RGPD3: variants seen among roughly 807,000 people sequenced by gnomAD.
RGPD3 encodes RANBP2 like and GRIP domain containing 3.
In RGPD3, 62 loss-of-function variants were observed where a neutral mutation model predicts 154.5. The ratio of observed to expected loss-of-function variants is 0.40; its 90% CI spans 0.33 to 0.50. RGPD3 has a LOEUF of 0.50. Among genes scored for constraint, RGPD3 ranks in the 20% least tolerant of loss-of-function variants. The pLI is 0.59. For missense variants in RGPD3, 919 were observed against 1,716.8 expected, an observed-to-expected ratio of 0.54 and a Z score of 8.21; for synonymous variants, 308 against 607.0, an observed-to-expected ratio of 0.51 and a Z score of 7.24.
At chr2:106,427,068 T>TA (rs1231685094) in intron 18 of RGPD3, among the ~76,000 whole-genome samples, 64 of 148,976 alleles carry the variant, frequency 4.3e-4, no homozygotes, top group Admixed American at 1.6e-3. Context: ...AAATATTAAA[T>TA]AAAAAAAAAA....
At chr2:106,438,669 C>T (rs1387014289) in intron 9 of RGPD3, among the ~76,000 whole-genome samples, 8 of 151,958 alleles carry the variant, frequency 5.3e-5, no homozygotes. Flanking sequence ...TGTAATCCCG[C>T]TACTTGGGAG....
chr2:106,430,178 C>T (rs1262337446), intron 17 of RGPD3, among the ~76,000 whole-genome samples: 55 of 150,540 alleles, frequency 3.7e-4, no homozygotes, highest in African/African-American at 1.2e-3. Flanking sequence ...CCACCACGCC[C>T]GGACCTGATT....
In RGPD3 at chr2:106,441,354, T is replaced by C. The variant is rs1677737172; in HGVS notation, c.1005A>G (p.Ile335Met). The change falls in exon 8 of 23, where the codon ATA becomes ATG. Residue 335 changes from isoleucine (I) to methionine (M), a missense_variant. Ile to Met is a conservative substitution (Grantham distance 10, BLOSUM62 1). Transcript: ENST00000409886. Reference protein sequence around the residue: ...FQVPRPKIKLIKGEAGQNLLE... With the variant: ...FQVPRPKIKLMKGEAGQNLLE... ...GCAGATTTTGTCCAGCTTCACCTTT[T>C]ATTAATTTAATCTTTGGTCTTGGAA... 1.3e-6 allele frequency: 2 copies of C among 1,553,992 alleles called. No individual in the cohort carries two copies. Among genetic ancestry groups the C allele is most frequent in the East Asian group, 2.4e-5 (1 of 41,140 alleles).
chr2:106,425,243 C>G lies in RGPD3; in HGVS notation c.2724G>C (p.Lys908Asn). The change falls in exon 20 of 23, where the codon AAG becomes AAC. Residue 908 changes from lysine (K) to asparagine (N), a missense_variant. Lys to Asn is a moderately conservative substitution (Grantham distance 94). Transcript: ENST00000409886. Reference sequence around the variant, plus strand: ...GGATGGAAAATCCTTCTTTGGTTGACTTAAATTCTGTATTAGAAGAACCCT... The same window carrying G: ...GGATGGAAAATCCTTCTTTGGTTGAGTTAAATTCTGTATTAGAAGAACCCT... ...PTKGSSNTEFKSTKEGFSIPV... is the reference protein window; with the variant it reads ...PTKGSSNTEFNSTKEGFSIPV... The G allele has an allele frequency of 1.2e-6, 2 of 1,611,498 alleles. No individual in the cohort carries two copies. Among genetic ancestry groups the G allele is most frequent in the Admixed American group, 3.3e-5 (2 of 59,940 alleles).
intron 20 of RGPD3, among the ~76,000 whole-genome samples, chr2:106,418,849 T>C (rs1170021430): frequency 3.3e-5 from 5 of 150,716 alleles, no homozygotes; most frequent in Non-Finnish European, 7.4e-5. Context: ...ATTGCAGGGG[T>C]GAGACACCAC....
intron 22 of RGPD3, among the ~76,000 whole-genome samples, chr2:106,410,409 T>C (rs1676634377): frequency 6.6e-6 from 1 of 152,068 alleles, no homozygotes; most frequent in African/African-American, 2.4e-5. Flanking sequence ...TATGAAATTC[T>C]TTAAAAATAT....
intron 22 of RGPD3, among the ~76,000 whole-genome samples, chr2:106,406,748 T>G (rs1362483238): frequency 6.6e-6 from 1 of 152,210 alleles, no homozygotes; most frequent in Non-Finnish European, 1.5e-5. Flanking sequence ...GAATACTGGT[T>G]TTCATTCCTC....
chr2:106,413,474 C>T (rs986400184), intron 21 of RGPD3, among the ~76,000 whole-genome samples, 189 bp from the exon 22 acceptor site: 22 of 152,052 alleles, frequency 1.4e-4, no homozygotes, highest in African/African-American at 5.1e-4. Context: ...ATGACATCAT[C>T]GTATAAAATC....
intron 6 of RGPD3, 87 bp from the exon 7 acceptor site, chr2:106,447,700 T>C (rs1677976508): frequency 9.8e-6 from 1 of 101,770 alleles, no homozygotes; most frequent in East Asian, 3.0e-4. Context: ...AAAATAAAAA[T>C]TTTATTTCAA....
chr2:106,425,147 A>G lies in RGPD3; in HGVS notation c.2820T>C (p.Pro940=). The G allele has an allele frequency of 1.2e-6, 2 of 1,611,968 alleles. No individual in the cohort carries two copies. The highest frequency in any genetic ancestry group is 1.7e-6 in the Non-Finnish European group (2 of 1,179,836). ...PGNQEKKSEK[P]LENDTGLQAQ... ...CCTGTAAGCCAGTATCATTTTCAAG[A>G]GGCTTTTCACTTTTCTTTTCTTGAT... is the stretch of plus-strand genomic sequence containing the variant. Residue 940 remains proline, a synonymous_variant, in exon 20 of 23, where the codon CCT becomes CCC. Transcript: ENST00000409886.
intron 9 of RGPD3, among the ~76,000 whole-genome samples, chr2:106,438,613 C>A (rs1183798794): frequency 6.6e-6 from 1 of 151,962 alleles, no homozygotes; most frequent in Non-Finnish European, 1.5e-5. Flanking sequence ...GAAACCCTGT[C>A]TCTACTAAAA....
At chr2:106,405,537 TG>T (rs1676489914) in intron 22 of RGPD3, among the ~76,000 whole-genome samples, 1 of 151,680 alleles carries the variant, frequency 6.6e-6, no homozygotes, top group Non-Finnish European at 1.5e-5. Context: ...CCACCATGCC[TG>T]GGTAATTTTT....
At chr2:106,455,182 A>T (rs1261072936) in intron 4 of RGPD3, among the ~76,000 whole-genome samples, 22 of 151,766 alleles carry the variant, frequency 1.4e-4, no homozygotes, top group African/African-American at 4.6e-4. Context: ...AAATAGAAAT[A>T]AAAAAAGTGA....
chr2:106,449,154 A>G (rs1032620456), intron 6 of RGPD3, among the ~76,000 whole-genome samples: 2 of 151,908 alleles, frequency 1.3e-5, no homozygotes, highest in Admixed American at 1.3e-4. Flanking sequence ...GTTGGAAAAT[A>G]GTTATTTTTC....
In RGPD3 at chr2:106,404,122, G is replaced by A. The variant is rs1464222218; in HGVS notation, c.*1097C>T. Among the ~76,000 whole-genome samples the A allele has an allele frequency of 2.0e-5, 3 of 151,800 alleles. No individual in the cohort carries two copies. Among genetic ancestry groups the A allele is most frequent in the African/African-American group, 4.9e-5 (2 of 41,116 alleles). On this transcript the variant is annotated 3_prime_UTR_variant, in exon 23 of 23. Coordinates refer to ENST00000409886, the MANE Select transcript of RGPD3 (RefSeq NM_001144013.2). ...TAAGGTGTCTAAAATCCCTTCTGAT[G>A]GAAAGCTTATGGAACACTATCTGCC...
At chr2:106,463,836 C>CA (rs1678477384) in intron 1 of RGPD3, among the ~76,000 whole-genome samples, 1 of 151,908 alleles carries the variant, frequency 6.6e-6, no homozygotes, top group Admixed American at 6.6e-5. Flanking sequence ...AGTAGTAACA[C>CA]AACATACAAG....
chr2:106,465,783 C>T (rs1181468153), intron 1 of RGPD3, among the ~76,000 whole-genome samples: 2 of 149,948 alleles, frequency 1.3e-5, no homozygotes, highest in East Asian at 2.0e-4. Context: ...GGGAGGGGGG[C>T]GAGGGAGGTG....
intron 21 of RGPD3, among the ~76,000 whole-genome samples, 153 bp downstream of exon 21, chr2:106,415,697 A>AAAAAAAAAAAAAAAT (rs1491421236): frequency 6.7e-4 from 90 of 134,522 alleles, no homozygotes; most frequent in African/African-American, 2.7e-3. Flanking sequence ...AAAAAAAAAA[A>AAAAAAAAAAAAAAAT]GGCAATATTT....
In RGPD3 at chr2:106,437,971, G is replaced by A. The variant is rs370809391; in HGVS notation, c.1276+997C>T. On this transcript the variant is annotated intron_variant, in intron 9 of 22. Coordinates refer to ENST00000409886, the MANE Select transcript of RGPD3 (RefSeq NM_001144013.2). ...TTCTGAGACGAAGTCTCGCTCTGTC[G>A]CCCAGGCTGTAGTGCAGCAGTGTGA... Among the ~76,000 whole-genome samples the A allele has an allele frequency of 4.5e-4, 69 of 152,290 alleles. 4 individuals are homozygous for A. The highest frequency in any genetic ancestry group is 4.1e-4 in the African/African-American group (17 of 41,572).
Sources: allele counts gnomAD v4.1 joint callset (sites outside exome capture counted in the v4.1 genomes callset), GRCh38; gene constraint gnomAD v4.1.1; transcripts MANE v1.5; gene names NCBI Gene and HGNC (gene_info 2026-07-23, HGNC 2026-07-21).